Variants in CLNK observed in about 807,000 individuals in gnomAD.
CLNK encodes the protein cytokine dependent hematopoietic cell linker.
CLNK carries 74 observed loss-of-function variants against 68.6 expected under a neutral mutation model. The observed-to-expected ratio is 1.08, with a 90% CI of 0.89 to 1.31. The LOEUF (loss-of-function observed/expected upper bound fraction) is 1.31, where lower values mean the gene tolerates loss of function less well. Among genes scored for constraint, CLNK ranks in the 50% most tolerant of loss-of-function variants. The probability of loss-of-function intolerance (pLI) is 0.00; values close to 1 mark genes in which losing one functional copy is unlikely to be tolerated. For missense variants in CLNK, 553 were observed against 515.3 expected (o/e 1.07, Z -0.71); for synonymous variants, 198 against 172.2 (o/e 1.15, Z -1.17).
At chr4:10,684,638 C>T (rs1356581115) in intron 1 of CLNK, 30 bp downstream of exon 1, 2 of 152,132 alleles carry the variant, frequency 1.3e-5, no homozygotes, top group Non-Finnish European at 2.9e-5. Flanking sequence ...ATGAGATCCT[C>T]ACTCAGAAGA....
At chr4:10,725,681 T>A in the CLNK span, among the ~76,000 whole-genome samples, 17 of 152,086 alleles carry the variant, frequency 1.1e-4, no homozygotes, top group South Asian at 1.0e-3. Context: ...GTGAAACACC[T>A]TCTCTACTAA....
intron 3 of CLNK, among the ~76,000 whole-genome samples, chr4:10,587,177 G>A (rs1049497285): frequency 6.6e-6 from 1 of 152,052 alleles, no homozygotes; most frequent in Non-Finnish European, 1.5e-5. Flanking sequence ...TGTTGGCCAG[G>A]CTGGTCTCAA....
chr4:10,618,160 G>A (rs1722304074), intron 2 of CLNK, among the ~76,000 whole-genome samples: 2 of 152,124 alleles, frequency 1.3e-5, no homozygotes, highest in African/African-American at 2.4e-5. Context: ...TAGACAAAAT[G>A]TATACTCATG....
At chr4:10,579,805 G>T (rs1720709063) in intron 4 of CLNK, among the ~76,000 whole-genome samples, 1 of 152,116 alleles carries the variant, frequency 6.6e-6, no homozygotes, top group African/African-American at 2.4e-5. Context: ...ATCCCCACCT[G>T]TGTAGAACAC....
chr4:10,608,932 A>G (rs942960506), intron 2 of CLNK, among the ~76,000 whole-genome samples: 7 of 152,190 alleles, frequency 4.6e-5, no homozygotes, highest in African/African-American at 1.7e-4. Context: ...CACGTGGCCA[A>G]AAAAATCATC....
At chr4:10,599,359 G>T (rs1046542983) in intron 2 of CLNK, among the ~76,000 whole-genome samples, 1 of 152,158 alleles carries the variant, frequency 6.6e-6, no homozygotes, top group African/African-American at 2.4e-5. Context: ...AAAAATCTGC[G>T]AGTTGTTTGG....
intron 17 of CLNK, among the ~76,000 whole-genome samples, chr4:10,507,304 G>T (rs1385339291): frequency 6.6e-6 from 1 of 151,422 alleles, no homozygotes; most frequent in African/African-American, 2.4e-5. Context: ...TAGAGATGAG[G>T]TTTCACCATG....
Position 10,660,198 on chromosome 4 carries a change from T to C in CLNK, c.11+7661A>G, listed in dbSNP as rs143478555. Among the ~76,000 whole-genome samples, 432 of 152,358 alleles carry C rather than the reference T, an allele frequency of 2.8e-3. 4 individuals carry two copies. In the Middle Eastern group the frequency reaches 0.034, roughly 12 times the overall value. ...TATTTCCATGTAACAAAATGCAGCCTCTTAATATTTGGGCATGATTATGTT... is the reference window on the plus strand; with the variant it reads ...TATTTCCATGTAACAAAATGCAGCCCCTTAATATTTGGGCATGATTATGTT... On this transcript the variant is annotated intron_variant, in intron 2 of 18. Coordinates refer to ENST00000226951, the MANE Select transcript of CLNK (RefSeq NM_052964.4).
At chr4:10,514,916 C>G (rs1717762372) in intron 15 of CLNK, among the ~76,000 whole-genome samples, 1 of 152,136 alleles carries the variant, frequency 6.6e-6, no homozygotes, top group Non-Finnish European at 1.5e-5. Flanking sequence ...AAGAAAAAAA[C>G]AAACAATCCC....
intron 18 of CLNK, among the ~76,000 whole-genome samples, chr4:10,498,046 T>C (rs1716884120): frequency 6.6e-6 from 1 of 151,684 alleles, no homozygotes; most frequent in African/African-American, 2.4e-5. Flanking sequence ...AAATACAAAA[T>C]TAGCTGGGCA....
chr4:10,583,877 T>C (rs936323659), intron 4 of CLNK, among the ~76,000 whole-genome samples: 1 of 152,190 alleles, frequency 6.6e-6, no homozygotes, highest in East Asian at 1.9e-4. Flanking sequence ...GTGTGCTTTA[T>C]GATTCACCGG....
intron 1 of CLNK, among the ~76,000 whole-genome samples, chr4:10,669,072 C>T (rs192021904): frequency 1.4e-4 from 21 of 152,288 alleles, no homozygotes; most frequent in African/African-American, 4.8e-4. Context: ...ATTTCCTAAC[C>T]TGTCAGCATA....
intron 2 of CLNK, among the ~76,000 whole-genome samples, chr4:10,603,972 G>A (rs1018389199): frequency 6.6e-6 from 1 of 152,160 alleles, no homozygotes; most frequent in African/African-American, 2.4e-5. Flanking sequence ...GCAGAAAGAA[G>A]GAGAAAGGAA....
the CLNK span, among the ~76,000 whole-genome samples, chr4:10,694,241 C>A: frequency 6.6e-6 from 1 of 151,464 alleles, no homozygotes; most frequent in Non-Finnish European, 1.5e-5. Flanking sequence ...TATTTAATTT[C>A]TATCCGGCCA....
At chr4:10,583,255 G>A (rs1313453027) in intron 4 of CLNK, among the ~76,000 whole-genome samples, 1 of 152,050 alleles carries the variant, frequency 6.6e-6, no homozygotes, top group Admixed American at 6.6e-5. Flanking sequence ...GGTCTGCTGG[G>A]CTGTTATTTC....
At chr4:10,701,573 T>G in the CLNK span, among the ~76,000 whole-genome samples, 1 of 152,188 alleles carries the variant, frequency 6.6e-6, no homozygotes, top group African/African-American at 2.4e-5. Flanking sequence ...TGCAGAGATA[T>G]GCATAAGGAG....
chr4:10,587,307 T>C (rs920704997), intron 3 of CLNK, among the ~76,000 whole-genome samples: 15 of 152,168 alleles, frequency 9.9e-5, no homozygotes, highest in Admixed American at 3.3e-4. Flanking sequence ...AATCCAACCA[T>C]TGGATGGGAT....
intron 2 of CLNK, among the ~76,000 whole-genome samples, chr4:10,644,863 T>C (rs1210110136): frequency 6.6e-6 from 1 of 152,202 alleles, no homozygotes; most frequent in East Asian, 1.9e-4. Flanking sequence ...TATAAGAGGA[T>C]ACTTATGCTG....
chr4:10,592,661 C>T (rs948122923), intron 3 of CLNK, among the ~76,000 whole-genome samples: 1 of 152,034 alleles, frequency 6.6e-6, no homozygotes, highest in Non-Finnish European at 1.5e-5. Flanking sequence ...TCCTACTCCC[C>T]CATCAGCCAA....
Sources: gnomAD v4.1 joint callset for allele counts (sites outside exome capture counted in the v4.1 genomes callset) on GRCh38, gnomAD v4.1.1 for gene constraint, MANE v1.5 for transcripts, NCBI Gene and HGNC (gene_info 2026-07-23, HGNC 2026-07-21) for gene names.